The following GINS2 variants were observed in gnomAD, a reference collection of about 807,000 sequenced individuals.
GINS2 encodes the protein GINS complex subunit 2.
GINS2 carries 23 observed loss-of-function variants against 21.2 expected under a neutral mutation model. That is an observed-to-expected ratio of 1.08 (90% CI 0.78 to 1.53). GINS2 has a LOEUF of 1.53. Among genes scored for constraint, GINS2 ranks in the 40% most tolerant of loss-of-function variants. The pLI, the probability that GINS2 is intolerant of heterozygous loss-of-function variation, is 0.00. For synonymous variants in GINS2, 118 were observed against 85.6 expected, an observed-to-expected ratio of 1.38 and a Z score of -2.09; for missense variants, 323 against 233.9, an observed-to-expected ratio of 1.38 and a Z score of -2.49.
chr16:85,684,146 C>A (rs1669616048), intron 2 of GINS2, among the ~76,000 whole-genome samples: 1 of 152,158 alleles, frequency 6.6e-6, no homozygotes, highest in Non-Finnish European at 1.5e-5. Flanking sequence ...AGTTCAAAAC[C>A]AGTCTGAGCA....
chr16:85,682,644 G>C (rs145185678), intron 2 of GINS2, among the ~76,000 whole-genome samples: 108 of 152,176 alleles, frequency 7.1e-4, no homozygotes, highest in Admixed American at 2.6e-3. Context: ...CCGGGAGGAG[G>C]CATGACATCC....
chr16:85,678,393 G>A (rs1040666244), intron 4 of GINS2, 56 bp from the exon 5 acceptor site: 10 of 1,597,434 alleles, frequency 6.3e-6, no homozygotes, highest in African/African-American at 2.7e-5. Flanking sequence ...TGAGAAAAAG[G>A]TAAACTCTAC....
At chr16:85,681,109 CAG>C (rs1427883081) in intron 3 of GINS2, among the ~76,000 whole-genome samples, 1 of 152,230 alleles carries the variant, frequency 6.6e-6, no homozygotes, top group African/African-American at 2.4e-5. Context: ...AACCCAAGGA[CAG>C]AGGCAAATGT....
intron 2 of GINS2, among the ~76,000 whole-genome samples, chr16:85,683,127 G>A (rs141716037): frequency 6.6e-6 from 1 of 151,952 alleles, no homozygotes; most frequent in Admixed American, 6.5e-5. Context: ...AATGATCACT[G>A]TCCCCTCCTT....
chr16:85,685,142 G>C (rs887508881), intron 2 of GINS2, among the ~76,000 whole-genome samples: 1 of 152,158 alleles, frequency 6.6e-6, no homozygotes, highest in African/African-American at 2.4e-5. Context: ...GCAGGCTGTT[G>C]GGTAGGGTCT....
In GINS2 at chr16:85,678,152, T is replaced by C; in HGVS notation, c.*60A>G. ...GTTTCTAGAGCTCCAGAACCACGAG[T>C]ACCTCATCACGTCCTGAGCGCTCAC... On this transcript the variant is annotated 3_prime_UTR_variant, in exon 5 of 5. Coordinates refer to ENST00000253462, the MANE Select transcript of GINS2 (RefSeq NM_016095.3). The C allele has an allele frequency of 6.6e-7, 1 of 1,516,158 alleles. No individual in the cohort carries two copies. The highest frequency in any genetic ancestry group is 9.1e-7 in the Non-Finnish European group (1 of 1,103,902). 93.9% of individuals were successfully genotyped at this position (1,516,158 alleles called of 1,614,324 possible).
At position 85,676,253 on chromosome 16, in the gene GINS2, G is replaced by A. The variant is rs1405600856; in HGVS notation, c.*1959C>T. On this transcript the variant is annotated 3_prime_UTR_variant, in exon 5 of 5. Coordinates refer to ENST00000253462, the MANE Select transcript of GINS2 (RefSeq NM_016095.3). ...ATAAAACAAAGCCAAACAAAGAAAA[G>A]CTCAATAACTATACATCTCCGCAGA... is the stretch of plus-strand genomic sequence containing the variant. 6.6e-6 allele frequency: 1 copy of A among 152,444 alleles called. No homozygotes were observed. The highest frequency in any genetic ancestry group is 1.5e-5 in the Non-Finnish European group (1 of 68,040). 9.4% of individuals were successfully genotyped at this position (152,444 alleles called of 1,614,324 possible). A position where few individuals can be genotyped will look rare whatever the true frequency, so the allele number is the denominator to read the frequency against.
chr16:85,686,097 G>A (rs2053775021), intron 2 of GINS2, among the ~76,000 whole-genome samples: 1 of 152,002 alleles, frequency 6.6e-6, no homozygotes, highest in South Asian at 2.1e-4. Context: ...CTGCATCTTT[G>A]ATTTGTTTCA....
rs140684992 is a variant in GINS2, at chr16:85,684,383, T to C, written c.206-2702A>G. On this transcript the variant is annotated intron_variant, in intron 2 of 4. Coordinates refer to ENST00000253462, the MANE Select transcript of GINS2 (RefSeq NM_016095.3). ...ATTGATGCACACCTGTAGTCCCAGC[T>C]ACTAGGGAGGCTGAGATGGGAGGAT... Among the ~76,000 whole-genome samples, 203 of 152,240 alleles carry C rather than the reference T, an allele frequency of 1.3e-3. 2 individuals carry two copies. The highest frequency in any genetic ancestry group is 4.7e-3 in the African/African-American group (194 of 41,560).
At chr16:85,685,679 A>AAAAAAAAAAAAAAAAAAAAAC (rs1567792804) in intron 2 of GINS2, among the ~76,000 whole-genome samples, 3 of 144,242 alleles carry the variant, frequency 2.1e-5, no homozygotes, top group African/African-American at 8.3e-5. Flanking sequence ...TCAAAAAAAA[A>AAAAAAAAAAAAAAAAAAAAAC]AAAAAAAAAA....
At chr16:85,679,358 C>T (rs530662488) in intron 3 of GINS2, among the ~76,000 whole-genome samples, 11 of 152,188 alleles carry the variant, frequency 7.2e-5, no homozygotes, top group Non-Finnish European at 1.3e-4. Flanking sequence ...TCGAGGCTCC[C>T]GTTGTGAAGT....
chr16:85,686,495 T>C (rs2053778929), intron 2 of GINS2, among the ~76,000 whole-genome samples: 1 of 152,118 alleles, frequency 6.6e-6, no homozygotes, highest in African/African-American at 2.4e-5. Context: ...CAATGGTGTT[T>C]AGTATATTCA....
chr16:85,679,609 C>G (rs1197800684), intron 3 of GINS2, among the ~76,000 whole-genome samples: 1 of 152,196 alleles, frequency 6.6e-6, no homozygotes, highest in Non-Finnish European at 1.5e-5. Context: ...TCCTCGTCAG[C>G]TGAACTATAG....
In GINS2 at chr16:85,677,463, T is replaced by A. The variant is rs538322760; in HGVS notation, c.*749A>T. ...TACATTGTCACTCATGCTCAATACA[T>A]TGGATTCGTTTTTTTCCTGACTCTC... On this transcript the variant is annotated 3_prime_UTR_variant, in exon 5 of 5. Transcript: ENST00000253462. The A allele has an allele frequency of 6.6e-6, 1 of 152,102 alleles. No individual in the cohort carries two copies. The highest frequency in any genetic ancestry group is 2.1e-4 in the South Asian group (1 of 4,814). 9.4% of individuals were successfully genotyped at this position (152,102 alleles called of 1,614,324 possible).
chr16:85,685,523 TAGTC>T (rs1425412703), intron 2 of GINS2, among the ~76,000 whole-genome samples: 5 of 150,776 alleles, frequency 3.3e-5, no homozygotes, highest in Non-Finnish European at 7.4e-5. Flanking sequence ...ATCAAAAAAT[TAGTC>T]AGGCATGATG....
intron 2 of GINS2, among the ~76,000 whole-genome samples, chr16:85,682,006 AT>A (rs1237594047): frequency 9.5e-6 from 1 of 105,668 alleles, no homozygotes. Flanking sequence ...CAGCAAAGTG[AT>A]TTACCTTTAC....
At chr16:85,681,850 C>A (rs1334546009) in intron 2 of GINS2, among the ~76,000 whole-genome samples, 169 bp from the exon 3 acceptor site, 1 of 152,014 alleles carries the variant, frequency 6.6e-6, no homozygotes, top group African/African-American at 2.4e-5. Flanking sequence ...TGATTTGAGG[C>A]CTCCTCCTTG....
chr16:85,685,169 T>C (rs1397253131), intron 2 of GINS2, among the ~76,000 whole-genome samples: 1 of 152,154 alleles, frequency 6.6e-6, no homozygotes. Context: ...AGGTTAATGG[T>C]GCCTCACTGT....
chr16:85,678,451 A>T, intron 4 of GINS2, 89 bp downstream of exon 4: 1 of 1,544,160 alleles, frequency 6.5e-7, no homozygotes, highest in South Asian at 1.1e-5. Flanking sequence ...ACAGCTAGTA[A>T]TGCCTGCCTG....
Sources: gnomAD v4.1 joint callset for allele counts (sites outside exome capture counted in the v4.1 genomes callset) on GRCh38, gnomAD v4.1.1 for gene constraint, MANE v1.5 for transcripts, NCBI Gene and HGNC (gene_info 2026-07-23, HGNC 2026-07-21) for gene names.